EIF4G3: variants seen among roughly 807,000 people sequenced by gnomAD.
The protein encoded by EIF4G3 is eukaryotic translation initiation factor 4 gamma 3.
In EIF4G3, 34 loss-of-function variants were observed where a neutral mutation model predicts 186.4. The observed-to-expected ratio is 0.18, with a 90% CI of 0.14 to 0.24. The LOEUF (loss-of-function observed/expected upper bound fraction) is 0.24. Ranked by LOEUF, EIF4G3 falls within the 10% of genes least tolerant of loss-of-function variation. The probability of loss-of-function intolerance (pLI) is 1.00; values close to 1 mark genes in which losing one functional copy is unlikely to be tolerated. For synonymous variants in EIF4G3, 673 were observed against 679.5 expected (o/e 0.99, Z 0.15); for missense variants, 1,536 against 1,948.5 (o/e 0.79, Z 3.99).
At chr1:21,087,397 T>G (rs935301084) in intron 3 of EIF4G3, among the ~76,000 whole-genome samples, 4 of 152,096 alleles carry the variant, frequency 2.6e-5, no homozygotes, top group African/African-American at 9.7e-5. Flanking sequence ...CCAAGGTGGG[T>G]GGATCACTTG....
chr1:21,156,353 C>G (rs2097661571), intron 2 of EIF4G3, among the ~76,000 whole-genome samples: 1 of 152,148 alleles, frequency 6.6e-6, no homozygotes, highest in Non-Finnish European at 1.5e-5. Context: ...ACTGCATAGA[C>G]TAATAATCTT....
chr1:20,895,373 C>T lies in EIF4G3; in HGVS notation c.2128G>A (p.Asp710Asn). 4.3e-6 allele frequency: 7 copies of T among 1,613,268 alleles called. No homozygotes were observed. The highest frequency in any genetic ancestry group is 5.9e-6 in the Non-Finnish European group (7 of 1,179,474). The change falls in exon 17 of 37, where the codon GAC becomes AAC. Residue 710 changes from aspartate (D) to asparagine (N), a missense_variant. Asp to Asn is a conservative substitution (Grantham distance 23). Transcript: ENST00000602326. ...GLPPISDVVL[D>N]KINQPKLPMR... ...TCTCTGAGTACGCAGCTTACCTTGT[C>T]AAGAACCACATCACTGATAGGAGGC...
Position 21,101,507 on chromosome 1 carries a change from T to C in EIF4G3, c.-271-12294A>G, listed in dbSNP as rs1482894389. ...ATCACTCGAACCCAGGAGGTAGAGGTTGCAGTGAGCCGAGATTGCACCACT... is the reference window on the plus strand; with the variant it reads ...ATCACTCGAACCCAGGAGGTAGAGGCTGCAGTGAGCCGAGATTGCACCACT... On this transcript the variant is annotated intron_variant, in intron 2 of 36. Coordinates refer to ENST00000602326, the MANE Select transcript of EIF4G3 (RefSeq NM_001391906.1). 2.3e-5 allele frequency among the ~76,000 whole-genome samples: 3 copies of C among 132,638 alleles called. No individual in the cohort carries two copies. The East Asian group carries it at 6.6e-4, about 29-fold the overall frequency. The allele number at this position is 132,638 out of a possible 152,430, so 87.0% of individuals were successfully genotyped here.
At chr1:21,024,254 C>T (rs1479497801) in intron 4 of EIF4G3, among the ~76,000 whole-genome samples, 190 of 136,234 alleles carry the variant, frequency 1.4e-3, no homozygotes, top group African/African-American at 4.7e-3. Context: ...CCGCCCCGTC[C>T]GGGAGGTGAG....
Position 20,807,228 on chromosome 1 carries a change from G to C in EIF4G3, c.*91C>G. The C allele has an allele frequency of 8.2e-7, 1 of 1,216,392 alleles. No individual in the cohort carries two copies. Among genetic ancestry groups the C allele is most frequent in the Non-Finnish European group, 1.1e-6 (1 of 882,336 alleles). The allele number at this position is 1,216,392 out of a possible 1,614,324, so 75.3% of individuals were successfully genotyped here. A position where few individuals can be genotyped will look rare whatever the true frequency, so the allele number is the denominator to read the frequency against. ...ACACGTGGGGGTTTCTGCGAGAATT[G>C]GCCTTGCTGCACTGTGATTGGCGAA... On this transcript the variant is annotated 3_prime_UTR_variant, in exon 37 of 37. Transcript: ENST00000602326.
intron 29 of EIF4G3, among the ~76,000 whole-genome samples, chr1:20,842,412 G>A (rs2068978454): frequency 3.3e-5 from 5 of 152,142 alleles, no homozygotes. Flanking sequence ...TTGTTGCCCA[G>A]GCTGGAGTGC....
At chr1:20,838,907 G>A (rs1238608756) in intron 30 of EIF4G3, among the ~76,000 whole-genome samples, 2 of 152,068 alleles carry the variant, frequency 1.3e-5, no homozygotes, top group Non-Finnish European at 2.9e-5. Context: ...AAACTCCTGG[G>A]CTCAAGCAAT....
At chr1:20,812,733 T>C (rs2059501780) in intron 35 of EIF4G3, among the ~76,000 whole-genome samples, 1 of 152,196 alleles carries the variant, frequency 6.6e-6, no homozygotes, top group Non-Finnish European at 1.5e-5. Flanking sequence ...GGACAAACTG[T>C]TGATATTTTT....
chr1:20,868,698 G>T (rs1469203269), intron 20 of EIF4G3, among the ~76,000 whole-genome samples: 1 of 152,182 alleles, frequency 6.6e-6, no homozygotes, highest in Non-Finnish European at 1.5e-5. Context: ...TCCATGATCA[G>T]CACTAAAATG....
chr1:21,124,462 G>A (rs972546353), intron 2 of EIF4G3, among the ~76,000 whole-genome samples: 1 of 152,152 alleles, frequency 6.6e-6, no homozygotes, highest in Non-Finnish European at 1.5e-5. Flanking sequence ...CTTTATTATG[G>A]AAATCTAAAG....
In EIF4G3 at chr1:20,892,617, A is replaced by G. The variant is rs181814126; in HGVS notation, c.2253+900T>C. On this transcript the variant is annotated intron_variant, in intron 18 of 36. Transcript: ENST00000602326. ...TTACAAAAAACAAAGTGTTCAGCGCACCCCTAGAGGCAGGCTCTTCATGGG... is the reference window on the plus strand; with the variant it reads ...TTACAAAAAACAAAGTGTTCAGCGCGCCCCTAGAGGCAGGCTCTTCATGGG... 1,327 of 1,525,538 alleles carry G rather than the reference A, an allele frequency of 8.7e-4. 9 individuals carry two copies. The African/African-American group carries it at 0.013, about 15-fold the overall frequency. 94.5% of individuals were successfully genotyped at this position (1,525,538 alleles called of 1,614,324 possible).
chr1:21,086,900 C>T (rs983901846), intron 3 of EIF4G3, among the ~76,000 whole-genome samples: 6 of 147,124 alleles, frequency 4.1e-5, no homozygotes, highest in Non-Finnish European at 5.9e-5. Context: ...GATCGAGCCA[C>T]GGCACTCCAG....
In EIF4G3 at chr1:20,849,504, C is replaced by T; in HGVS notation, c.3799G>A (p.Ala1267Thr). 3 of 1,545,190 alleles carry T rather than the reference C, an allele frequency of 1.9e-6. No homozygotes were observed. Among genetic ancestry groups the T allele is most frequent in the Admixed American group, 2.2e-5 (1 of 45,740 alleles). The change falls in exon 29 of 37, where the codon GCT becomes ACT. Residue 1267 changes from alanine to threonine, a missense_variant. Physicochemically the swap from Ala to Thr is moderately conservative, Grantham distance 58 (BLOSUM62 0). This residue lies in a region of EIF4G3 where 395 missense variants were observed against 498.9 expected (regional missense o/e 0.79). Coordinates refer to ENST00000602326, the MANE Select transcript of EIF4G3 (RefSeq NM_001391906.1). ...TCTGATAATGCAGCCTTGTCATGAG[C>T]TGACATTGCTGAAATTTCTGGTTTT... ...SAKPEISAMSAHDKAALSEEE... is the reference protein window; with the variant it reads ...SAKPEISAMSTHDKAALSEEE...
chr1:21,139,376 G>C (rs2097300950), intron 2 of EIF4G3, among the ~76,000 whole-genome samples: 1 of 152,008 alleles, frequency 6.6e-6, no homozygotes, highest in African/African-American at 2.4e-5. Context: ...AATCGCTTGA[G>C]GCCACGAGTT....
chr1:20,980,585 G>A (rs944537031), intron 9 of EIF4G3, 137 bp from the exon 10 acceptor site: 51 of 608,412 alleles, frequency 8.4e-5, no homozygotes, highest in Non-Finnish European at 1.2e-4. Context: ...GAGGTAAAGC[G>A]ATTGGGTCAA....
intron 18 of EIF4G3, chr1:20,892,535 A>C: frequency 9.7e-7 from 1 of 1,032,706 alleles, no homozygotes; most frequent in Non-Finnish European, 1.5e-6. Flanking sequence ...TTGACTTAAC[A>C]ATCAATAGTA....
rs1280477305 is a variant in EIF4G3, at chr1:21,002,804, G to A, written c.-62C>T. On this transcript the variant is annotated 5_prime_UTR_variant, in exon 5 of 37. Coordinates refer to ENST00000602326, the MANE Select transcript of EIF4G3 (RefSeq NM_001391906.1). ...ACCTGCATTCTGTCCAGAGGGATAAGGGGTCTGTCAAAAAATGGCAAGAAC... is the reference window on the plus strand; with the variant it reads ...ACCTGCATTCTGTCCAGAGGGATAAAGGGTCTGTCAAAAAATGGCAAGAAC... 1 of 1,573,744 alleles carries A rather than the reference G, an allele frequency of 6.4e-7. No homozygotes were observed.
intron 14 of EIF4G3, among the ~76,000 whole-genome samples, chr1:20,938,062 T>C (rs1044346620): frequency 1.3e-5 from 2 of 152,014 alleles, no homozygotes; most frequent in African/African-American, 2.4e-5. Context: ...AGTGGCGCGA[T>C]GTTGGATCAC....
intron 4 of EIF4G3, among the ~76,000 whole-genome samples, chr1:21,017,343 C>T (rs2089409999): frequency 6.6e-6 from 1 of 151,786 alleles, no homozygotes; most frequent in South Asian, 2.1e-4. Context: ...AGTTTAGTGT[C>T]CTTGGCCGGG....
Sources: allele counts gnomAD v4.1 joint callset (sites outside exome capture counted in the v4.1 genomes callset), GRCh38; gene constraint gnomAD v4.1.1; regional missense constraint gnomAD v4.1.1; transcripts MANE v1.5; gene names NCBI Gene and HGNC (gene_info 2026-07-23, HGNC 2026-07-21).